Variants in ITPR1 observed in about 807,000 individuals in gnomAD.
The protein encoded by ITPR1 is inositol 1,4,5-trisphosphate receptor type 1, also known as inositol 1,4,5-trisphosphate-gated calcium channel ITPR1.
ITPR1 carries 96 observed loss-of-function variants against 318.4 expected under a neutral mutation model. The observed-to-expected ratio is 0.30, with a 90% CI of 0.26 to 0.36. The LOEUF is 0.36. ITPR1 is among the 10% of genes least tolerant of loss of function. The pLI, the probability that ITPR1 is intolerant of heterozygous loss-of-function variation, is 1.00. For synonymous variants in ITPR1, 1,312 were observed against 1,289.9 expected, an observed-to-expected ratio of 1.02 and a Z score of -0.37; for missense variants, 2,440 against 3,460.2, an observed-to-expected ratio of 0.71 and a Z score of 7.40.
At position 4,693,756 on chromosome 3, in the gene ITPR1, C is replaced by A. The variant is rs1422921845; in HGVS notation, c.4281+15C>A. The A allele has an allele frequency of 1.2e-6, 2 of 1,603,068 alleles. No individual in the cohort carries two copies. The highest frequency in any genetic ancestry group is 8.5e-7 in the Non-Finnish European group (1 of 1,173,076). On this transcript the variant is annotated intron_variant, in intron 33 of 61. Coordinates refer to ENST00000649015, the MANE Select transcript of ITPR1 (RefSeq NM_001378452.1). ...GCATCCCTGAGGTGAGCGAGCCCAG[C>A]CTGGCTGTGCCCTTCTCGTTGCTAT...
chr3:4,721,458 T>C (rs2042158639), intron 40 of ITPR1, among the ~76,000 whole-genome samples: 1 of 152,120 alleles, frequency 6.6e-6, no homozygotes. Flanking sequence ...TAACTTCTAT[T>C]TTAGCTCAAT....
chr3:4,830,963 T>C (rs776487055), intron 60 of ITPR1: 1 of 456,698 alleles, frequency 2.2e-6, no homozygotes, highest in South Asian at 1.5e-5. Context: ...AGACTTTCTC[T>C]GAGGAGGTGA....
At chr3:4,511,328 A>G (rs532858954) in intron 2 of ITPR1, among the ~76,000 whole-genome samples, 1 of 152,122 alleles carries the variant, frequency 6.6e-6, no homozygotes, top group East Asian at 1.9e-4. Flanking sequence ...CGCACAGCTC[A>G]GGGAGCAATT....
At chr3:4,661,953 A>G (rs1553679690) in intron 14 of ITPR1, 129 bp from the exon 15 acceptor site, 3 of 705,458 alleles carry the variant, frequency 4.3e-6, no homozygotes, top group East Asian at 5.5e-5. Flanking sequence ...TTTTTTTCCT[A>G]TATCATTTTA....
intron 60 of ITPR1, among the ~76,000 whole-genome samples, chr3:4,825,514 C>A (rs928173405): frequency 6.6e-6 from 1 of 152,132 alleles, no homozygotes; most frequent in African/African-American, 2.4e-5. Flanking sequence ...CATTTCCAAG[C>A]AAATAAGTTC....
At chr3:4,741,180 A>T (rs1416605891) in intron 44 of ITPR1, among the ~76,000 whole-genome samples, 1 of 152,174 alleles carries the variant, frequency 6.6e-6, no homozygotes, top group Non-Finnish European at 1.5e-5. Flanking sequence ...AGAGGAGGAC[A>T]GGCTATCTTT....
intron 6 of ITPR1, among the ~76,000 whole-genome samples, chr3:4,639,885 T>C (rs2093297884): frequency 6.6e-6 from 1 of 152,248 alleles, no homozygotes; most frequent in Non-Finnish European, 1.5e-5. Context: ...TTCTGTACCT[T>C]TGGGACTTTT....
At chr3:4,674,105 G>A (rs978612203) in intron 21 of ITPR1, 97 bp from the exon 22 acceptor site, 2 of 916,282 alleles carry the variant, frequency 2.2e-6, no homozygotes, top group African/African-American at 3.4e-5. Context: ...GGATGCCAAG[G>A]GTTAGGGGAT....
rs1200093771 is a variant in ITPR1, at chr3:4,717,399, G to A, written c.5136G>A (p.Glu1712=). Residue 1712 remains glutamate, a splice_region_variant and synonymous_variant, in exon 40 of 62, where the codon GAG becomes GAA. Transcript: ENST00000649015. The part of the protein sequence containing the change: ...LISIDELDNA[E]LPPAPDSENA... ...CCATTGATGAATTGGATAATGCTGA[G>A]GTCCTAATTTTGTTGTTTTTTGTTT... The A allele has an allele frequency of 6.3e-6, 10 of 1,595,768 alleles. No homozygotes were observed. The highest frequency in any genetic ancestry group is 7.6e-6 in the Non-Finnish European group (9 of 1,176,566).
At chr3:4,620,880 C>T (rs563634111) in intron 4 of ITPR1, among the ~76,000 whole-genome samples, 141 of 152,206 alleles carry the variant, frequency 9.3e-4, no homozygotes, top group African/African-American at 3.1e-3. Flanking sequence ...ACTTCCTCAA[C>T]TTTCCTCCTC....
chr3:4,838,802 T>C (rs2051118286), intron 61 of ITPR1, among the ~76,000 whole-genome samples: 1 of 152,234 alleles, frequency 6.6e-6, no homozygotes, highest in Non-Finnish European at 1.5e-5. Flanking sequence ...AAACTGGGTG[T>C]TACCAATTTA....
chr3:4,777,652 A>C (rs564241874), intron 48 of ITPR1, among the ~76,000 whole-genome samples: 3 of 152,284 alleles, frequency 2.0e-5, no homozygotes, highest in Middle Eastern at 3.4e-3. Context: ...AACAGCATCG[A>C]GTACTAAATA....
At chr3:4,566,604 G>GCACACA (rs57756103) in intron 4 of ITPR1, among the ~76,000 whole-genome samples, 51,279 of 140,468 alleles carry the variant, frequency 0.37, 9,638 homozygotes, top group Admixed American at 0.43. Context: ...GGGGACACAT[G>GCACACA]CACACACACA....
intron 4 of ITPR1, among the ~76,000 whole-genome samples, chr3:4,549,245 TTAG>T (rs1378268093): frequency 6.6e-6 from 1 of 152,222 alleles, no homozygotes; most frequent in Non-Finnish European, 1.5e-5. Flanking sequence ...ACAGGGGTAT[TTAG>T]TAATCATTGT....
At chr3:4,844,127 T>TTTTC (rs1365452494) in intron 61 of ITPR1, among the ~76,000 whole-genome samples, 1 of 150,562 alleles carries the variant, frequency 6.6e-6, no homozygotes, top group Non-Finnish European at 1.5e-5. Context: ...ACCAAGATTT[T>TTTTC]TTTTTTTTTT....
Position 4,683,527 on chromosome 3 carries a change from G to A in ITPR1, c.3303G>A (p.Gln1101=). 6.2e-7 allele frequency: 1 copy of A among 1,614,014 alleles called. No individual in the cohort carries two copies. The highest frequency in any genetic ancestry group is 8.5e-7 in the Non-Finnish European group (1 of 1,179,844). ...TCTTCCGGCACTTCAGCCAGAGGCA[G>A]GAGGTGCTCCAGGCCTTCAAACAGG... ...QLLFRHFSQR[Q]EVLQAFKQVQ... is the part of the protein sequence containing the mutation. Residue 1101 remains glutamine, a synonymous_variant, in exon 27 of 62, where the codon CAG becomes CAA. Coordinates refer to ENST00000649015, the MANE Select transcript of ITPR1 (RefSeq NM_001378452.1).
chr3:4,519,889 G>C (rs898171148), intron 3 of ITPR1, among the ~76,000 whole-genome samples: 1 of 152,202 alleles, frequency 6.6e-6, no homozygotes, highest in African/African-American at 2.4e-5. Flanking sequence ...TGGGAGGACA[G>C]AGAAGGAGAG....
At position 4,653,838 on chromosome 3, in the gene ITPR1, T is replaced by C. The variant is rs770476201; in HGVS notation, c.952-4T>C. On this transcript the variant is annotated splice_polypyrimidine_tract_variant and splice_region_variant and intron_variant, in intron 11 of 61. Transcript: ENST00000649015. ...TTAATTTCCTAATGATTCTTTTTCA[T>C]CAGGTAGACCCTGACTTTGAGGAAG... is the stretch of plus-strand genomic sequence containing the variant. 1.1e-5 allele frequency: 18 copies of C among 1,606,982 alleles called. No individual in the cohort carries two copies. The highest frequency in any genetic ancestry group is 1.5e-5 in the Non-Finnish European group (18 of 1,175,102).
At chr3:4,707,910 A>G (rs756060100) in intron 37 of ITPR1, among the ~76,000 whole-genome samples, 2 of 152,240 alleles carry the variant, frequency 1.3e-5, no homozygotes, top group Non-Finnish European at 2.9e-5. Context: ...TACAGTGGTC[A>G]GCAAAACCAG....
Sources: allele counts gnomAD v4.1 joint callset (sites outside exome capture counted in the v4.1 genomes callset), GRCh38; gene constraint gnomAD v4.1.1; transcripts MANE v1.5; gene names NCBI Gene and HGNC (gene_info 2026-07-23, HGNC 2026-07-21).